Variants in GFAP observed in about 807,000 individuals in gnomAD.
The protein encoded by GFAP is glial fibrillary acidic protein, also known as intermediate filament protein.
A neutral mutation model predicts 49.3 loss-of-function variants in GFAP; 38 were observed. That is an observed-to-expected ratio of 0.77 (90% confidence interval 0.60 to 1.01). The LOEUF is 1.01. Ranked by LOEUF, GFAP falls within the 50% of genes least tolerant of loss-of-function variation. The pLI is 0.00. For synonymous variants in GFAP, 222 were observed against 236.4 expected (o/e 0.94, Z 0.56); for missense variants, 463 against 579.1 (o/e 0.80, Z 2.06).
In GFAP at chr17:44,907,924, C is replaced by G. The variant is rs530101302; in HGVS notation, c.1257+140G>C. 4.6e-4 allele frequency: 359 copies of G among 775,344 alleles called. 2 individuals carry two copies. The South Asian group carries it at 4.7e-3, about 10-fold the overall frequency. The allele number at this position is 775,344 out of a possible 1,614,324, so 48.0% of individuals were successfully genotyped here. A position where few individuals can be genotyped will look rare whatever the true frequency, so the allele number is the denominator to read the frequency against. On this transcript the variant is annotated intron_variant, in intron 8 of 8. Transcript: ENST00000588735. ...AACGGAATTACATTCAGTTTCCTTGCTCTCCTCCAGAATTCCCTGGGGAGC... is the reference window on the plus strand; with the variant it reads ...AACGGAATTACATTCAGTTTCCTTGGTCTCCTCCAGAATTCCCTGGGGAGC...
Position 44,907,136 on chromosome 17 carries a change from T to C in GFAP, c.*211A>G. 1 of 612,210 alleles carries C rather than the reference T, an allele frequency of 1.6e-6. No individual in the cohort carries two copies. The highest frequency in any genetic ancestry group is 2.9e-6 in the Non-Finnish European group (1 of 339,776). 37.9% of individuals were successfully genotyped at this position (612,210 alleles called of 1,614,324 possible). A position where few individuals can be genotyped will look rare whatever the true frequency, so the allele number is the denominator to read the frequency against. On this transcript the variant is annotated 3_prime_UTR_variant, in exon 9 of 9. Transcript: ENST00000588735. ...GGGGTGAGTTTCTTGTTAGTTGGAG[T>C]TGCTGGGTGCTGGGTGGGTGCCGTC... is the stretch of plus-strand genomic sequence containing the variant.
Position 44,907,037 on chromosome 17 carries a change from G to C in GFAP, c.*310C>G. Reference sequence around the variant, plus strand: ...GAGGGCGATGTAGTAGGTGCCCCCCGCCCTCCTCCCCTTCTCTCCTTCCTC... The same window carrying C: ...GAGGGCGATGTAGTAGGTGCCCCCCCCCCTCCTCCCCTTCTCTCCTTCCTC... On this transcript the variant is annotated 3_prime_UTR_variant, in exon 9 of 9. Coordinates refer to ENST00000588735, the MANE Select transcript of GFAP (RefSeq NM_002055.5). 1 of 490,392 alleles carries C rather than the reference G, an allele frequency of 2.0e-6. No individual in the cohort carries two copies. Among genetic ancestry groups the C allele is most frequent in the East Asian group, 3.7e-5 (1 of 27,086 alleles). The allele number at this position is 490,392 out of a possible 1,614,324, so 30.4% of individuals were successfully genotyped here.
At position 44,907,232 on chromosome 17, in the gene GFAP, TG is replaced by T; in HGVS notation, c.*114del. 2 of 945,432 alleles carry T rather than the reference TG, an allele frequency of 2.1e-6. No homozygotes were observed. The highest frequency in any genetic ancestry group is 3.4e-6 in the Non-Finnish European group (2 of 581,176). 58.6% of individuals were successfully genotyped at this position (945,432 alleles called of 1,614,324 possible). ...GGGACAGAGGAGGGAGGGGAGCAGCTGGGGTGGTGGGGAGCTCAGGTCTGGG... is the reference window on the plus strand; with the variant it reads ...GGGACAGAGGAGGGAGGGGAGCAGCTGGGTGGTGGGGAGCTCAGGTCTGGG... On this transcript the variant is annotated 3_prime_UTR_variant, in exon 9 of 9. Coordinates refer to ENST00000588735, the MANE Select transcript of GFAP (RefSeq NM_002055.5).
intron 5 of GFAP, 66 bp downstream of exon 5, chr17:44,911,606 C>T: frequency 6.3e-7 from 1 of 1,597,806 alleles, no homozygotes; most frequent in Non-Finnish European, 8.5e-7. Context: ...GGCCCTTCTC[C>T]CCTGGCATCT....
chr17:44,911,377 G>T lies in GFAP; in HGVS notation c.986C>A (p.Ala329Glu). ...REAASYQEAL[A>E]RLEEEGQSLK... ...GCTCTGCCCCTCTTCCTCCAGCCGC[G>T]CCAGCGCCTCCTGATAACTGGCCGC... Residue 329 changes from alanine to glutamate, a missense_variant, in exon 6 of 9, where the codon GCG becomes GAG. Ala to Glu is a moderately radical substitution (Grantham distance 107). This residue lies in a region of GFAP where 362 missense variants were observed against 445.5 expected (regional missense o/e 0.81). Transcript: ENST00000588735. 1 of 1,614,100 alleles carries T rather than the reference G, an allele frequency of 6.2e-7. No homozygotes were observed.
Position 44,904,395 on chromosome 17 carries a change from G to A in GFAP, c.*2952C>T, listed in dbSNP as rs779309918. ...TGCGGAGTGCGTGGGGAGCAGTGGC[G>A]CATCGGCCTCTGCTACCTGCAGAGC... On this transcript the variant is annotated 3_prime_UTR_variant, in exon 9 of 9. Coordinates refer to ENST00000588735, the MANE Select transcript of GFAP (RefSeq NM_002055.5). 22 of 1,542,032 alleles carry A rather than the reference G, an allele frequency of 1.4e-5. No homozygotes were observed. Among genetic ancestry groups the A allele is most frequent in the East Asian group, 7.4e-5 (3 of 40,700 alleles).
intron 7 of GFAP, chr17:44,908,355 CTT>C: frequency 3.7e-6 from 2 of 533,988 alleles, no homozygotes; most frequent in Non-Finnish European, 3.3e-6. Context: ...GCTGCTCTGT[CTT>C]CTGGCCTGGC....
intron 6 of GFAP, 195 bp from the exon 7 acceptor site, chr17:44,910,853 T>C (rs1036469418): frequency 4.2e-6 from 3 of 718,250 alleles, no homozygotes; most frequent in Admixed American, 2.8e-5. Context: ...TTGAGTGTTA[T>C]CTGGGAGGGG....
chr17:44,910,847 G>C (rs942187353), intron 6 of GFAP, 189 bp from the exon 7 acceptor site: 56 of 750,998 alleles, frequency 7.5e-5, no homozygotes, highest in Non-Finnish European at 1.2e-4. Flanking sequence ...AGGGGCTTGA[G>C]TGTTATCTGG....
intron 1 of GFAP, 96 bp downstream of exon 1, chr17:44,914,930 G>A (rs2051871023): frequency 4.7e-6 from 5 of 1,064,692 alleles, no homozygotes; most frequent in South Asian, 1.3e-5. Context: ...CAGGGAGCAG[G>A]GAGGTTCGGC....
Position 44,907,031 on chromosome 17 carries a change from C to G in GFAP, c.*316G>C. On this transcript the variant is annotated 3_prime_UTR_variant, in exon 9 of 9. Transcript: ENST00000588735. ...GATGTGGAGGGCGATGTAGTAGGTG[C>G]CCCCCGCCCTCCTCCCCTTCTCTCC... The G allele has an allele frequency of 2.1e-6, 1 of 472,454 alleles. No individual in the cohort carries two copies. Among genetic ancestry groups the G allele is most frequent in the Admixed American group, 3.3e-5 (1 of 30,048 alleles). 29.3% of individuals were successfully genotyped at this position (472,454 alleles called of 1,614,324 possible).
intron 8 of GFAP, 123 bp from the exon 9 acceptor site, chr17:44,907,511 T>G (rs2051671975): frequency 9.4e-6 from 7 of 742,174 alleles, no homozygotes; most frequent in Admixed American, 4.0e-5. Context: ...CTTTTCTTGA[T>G]AGTAACCACA....
At chr17:44,910,110 A>C (rs1399908432) in intron 7 of GFAP, 1 of 1,613,746 alleles carries the variant, frequency 6.2e-7, no homozygotes, top group Non-Finnish European at 8.5e-7. Context: ...AAGCTGGGCA[A>C]AGCGCCGTGT....
chr17:44,915,138 G>C lies in GFAP; in HGVS notation c.349C>G (p.Gln117Glu). 6.2e-7 allele frequency: 1 copy of C among 1,614,106 alleles called. No homozygotes were observed. Among genetic ancestry groups the C allele is most frequent in the Non-Finnish European group, 8.5e-7 (1 of 1,180,030 alleles). ...KEPTKLADVY[Q>E]AELRELRLRL... ...AGCCGCAGCTCTCGCAGCTCAGCCTGGTAGACGTCTGCCAGCTTGGTGGGC... is the reference window on the plus strand; with the variant it reads ...AGCCGCAGCTCTCGCAGCTCAGCCTCGTAGACGTCTGCCAGCTTGGTGGGC... The change falls in exon 1 of 9, where the codon CAG becomes GAG. Residue 117 changes from glutamine (Q) to glutamate (E), a missense_variant. Around this residue, in one of 3 missense-constraint regions of GFAP, gnomAD observed 362 missense variants for 445.5 expected, o/e 0.81. Transcript: ENST00000588735. The surrounding 1 kb of genome is among the most constrained non-coding windows in gnomAD (Gnocchi z 4.1).
chr17:44,911,577 G>A, intron 5 of GFAP, 95 bp downstream of exon 5: 1 of 1,578,712 alleles, frequency 6.3e-7, no homozygotes, highest in Non-Finnish European at 8.6e-7. Context: ...CCCCGCCCTC[G>A]ACCCAGGTCC....
In GFAP at chr17:44,904,649, A is replaced by G; in HGVS notation, c.*2698T>C. On this transcript the variant is annotated 3_prime_UTR_variant, in exon 9 of 9. Coordinates refer to ENST00000588735, the MANE Select transcript of GFAP (RefSeq NM_002055.5). ...CCGGCCCTGGGTGCCCCAGGTGCCC[A>G]TTCAGTTCCACCAGCAGAGACTGGG... 1 of 1,550,564 alleles carries G rather than the reference A, an allele frequency of 6.4e-7. No individual in the cohort carries two copies. Among genetic ancestry groups the G allele is most frequent in the Non-Finnish European group, 8.7e-7 (1 of 1,146,986 alleles).
At chr17:44,910,711 G>T in intron 6 of GFAP, 53 bp from the exon 7 acceptor site, 1 of 1,563,270 alleles carries the variant, frequency 6.4e-7, no homozygotes, top group Non-Finnish European at 8.7e-7. Context: ...ACACCCCTAG[G>T]CTGGGTCTTG....
intron 1 of GFAP, chr17:44,914,730 C>A: frequency 2.1e-6 from 1 of 480,750 alleles, no homozygotes. Context: ...TCACAAAGCC[C>A]AGCCATGAAT....
In GFAP at chr17:44,907,146, C is replaced by T; in HGVS notation, c.*201G>A. 1.6e-6 allele frequency: 1 copy of T among 629,918 alleles called. No individual in the cohort carries two copies. Among genetic ancestry groups the T allele is most frequent in the Middle Eastern group, 4.2e-4 (1 of 2,372 alleles). 39.0% of individuals were successfully genotyped at this position (629,918 alleles called of 1,614,324 possible). The stretch of plus-strand genomic sequence containing the variant: ...TCTTGTTAGTTGGAGTTGCTGGGTG[C>T]TGGGTGGGTGCCGTCTGGCAGGCCT... On this transcript the variant is annotated 3_prime_UTR_variant, in exon 9 of 9. Coordinates refer to ENST00000588735, the MANE Select transcript of GFAP (RefSeq NM_002055.5).
Sources: allele counts gnomAD v4.1 joint callset, GRCh38; gene constraint gnomAD v4.1.1; regional missense constraint gnomAD v4.1.1; non-coding constraint Gnocchi (gnomAD v3.1); transcripts MANE v1.5; gene names NCBI Gene and HGNC (gene_info 2026-07-23, HGNC 2026-07-21).